JAK1: variants seen among roughly 807,000 people sequenced by gnomAD.
JAK1 encodes the protein Janus kinase 1.
In JAK1, 16 loss-of-function variants were observed where a neutral mutation model predicts 136.6. The ratio of observed to expected loss-of-function variants is 0.12; its 90% confidence interval spans 0.08 to 0.18. The LOEUF is 0.18. Ranked by LOEUF, JAK1 falls within the 10% of genes least tolerant of loss-of-function variation. JAK1 has a pLI of 1.00. For missense variants in JAK1, 859 were observed against 1,450.1 expected (o/e 0.59, Z 6.62); for synonymous variants, 492 against 519.5 (o/e 0.95, Z 0.72).
intron 2 of JAK1, among the ~76,000 whole-genome samples, chr1:65,021,006 G>A (rs1020688851): frequency 4.6e-5 from 7 of 152,094 alleles, no homozygotes; most frequent in Admixed American, 2.6e-4. Flanking sequence ...CACAGTGACC[G>A]CATACAAAGG....
intron 2 of JAK1, among the ~76,000 whole-genome samples, chr1:65,008,064 G>A (rs1646818459): frequency 6.6e-6 from 1 of 152,152 alleles, no homozygotes; most frequent in Non-Finnish European, 1.5e-5. Flanking sequence ...TTATTTCTAA[G>A]TTCCCAGGGA....
At chr1:64,979,024 A>G (rs1326405921) in intron 2 of JAK1, among the ~76,000 whole-genome samples, 1 of 152,196 alleles carries the variant, frequency 6.6e-6, no homozygotes, top group African/African-American at 2.4e-5. Context: ...GAAATCATGT[A>G]TGCATTTGAC....
rs1369511928 is a variant in JAK1, at chr1:64,848,415, G to A, written c.1756-740C>T. On this transcript the variant is annotated intron_variant, in intron 12 of 24. Transcript: ENST00000342505. ...ATGCACGCTAGGATTTAAAATTAGTGGTGCAAAGTACACCTGCATTTGCCC... is the reference window on the plus strand; with the variant it reads ...ATGCACGCTAGGATTTAAAATTAGTAGTGCAAAGTACACCTGCATTTGCCC... 3.3e-5 allele frequency among the ~76,000 whole-genome samples: 5 copies of A among 152,182 alleles called. No homozygotes were observed. The East Asian group carries it at 9.6e-4, about 29-fold the overall frequency.
intron 1 of JAK1, among the ~76,000 whole-genome samples, chr1:64,951,899 C>G (rs560251302): frequency 6.6e-6 from 1 of 152,130 alleles, no homozygotes. Context: ...CCTCGTGATC[C>G]GCCCGCCTCG....
intron 1 of JAK1, among the ~76,000 whole-genome samples, chr1:64,891,986 AG>A (rs1018558570): frequency 3.3e-5 from 5 of 152,276 alleles, no homozygotes; most frequent in African/African-American, 1.2e-4. Context: ...GCCTGCATTC[AG>A]TGAGAGACAG....
chr1:65,058,386 C>T (rs1221529378), intron 1 of JAK1: 1 of 533,910 alleles, frequency 1.9e-6, no homozygotes, highest in Non-Finnish European at 3.8e-6. Context: ...CTTTCACCTT[C>T]TTTCTTCCTG....
chr1:65,049,054 T>C (rs947777262), intron 1 of JAK1, among the ~76,000 whole-genome samples: 1 of 152,210 alleles, frequency 6.6e-6, no homozygotes. Context: ...CAATAGCCTT[T>C]TTCTGCTGTT....
chr1:65,050,230 T>C (rs1007614768), intron 1 of JAK1, among the ~76,000 whole-genome samples: 4 of 152,300 alleles, frequency 2.6e-5, no homozygotes, highest in South Asian at 2.1e-4. Flanking sequence ...GGTAGAGCCA[T>C]GTTTCTTGTT....
At chr1:65,052,539 G>A (rs1396941645) in intron 1 of JAK1, among the ~76,000 whole-genome samples, 14 of 151,950 alleles carry the variant, frequency 9.2e-5, no homozygotes, top group African/African-American at 2.7e-4. Flanking sequence ...CAGGCTGGGC[G>A]CAGTGGCTCA....
chr1:64,857,709 A>G lies in JAK1; in HGVS notation c.1405T>C (p.Cys469Arg). The G allele has an allele frequency of 6.2e-7, 1 of 1,614,208 alleles. No homozygotes were observed. Among genetic ancestry groups the G allele is most frequent in the Non-Finnish European group, 8.5e-7 (1 of 1,180,038 alleles). Residue 469 changes from cysteine (C) to arginine (R), a missense_variant, in exon 10 of 25, where the codon TGC becomes CGC. By Grantham distance (180) the Cys-to-Arg change is radical. Coordinates refer to ENST00000342505, the MANE Select transcript of JAK1 (RefSeq NM_002227.4). Reference sequence around the variant, plus strand: ...ATGAGGATGTTGTCAAAGTCGGTGCAGCTCCACCTCAGCACGTACATCCCC... The same window carrying G: ...ATGAGGATGTTGTCAAAGTCGGTGCGGCTCCACCTCAGCACGTACATCCCC... ...EEGMYVLRWS[C>R]TDFDNILMTV...
At chr1:65,016,282 A>G (rs1181829647) in intron 2 of JAK1, among the ~76,000 whole-genome samples, 1 of 152,200 alleles carries the variant, frequency 6.6e-6, no homozygotes, top group Non-Finnish European at 1.5e-5. Flanking sequence ...TGGTAGTTGT[A>G]TAACATTGTG....
intron 1 of JAK1, among the ~76,000 whole-genome samples, chr1:64,961,841 T>C (rs1409328252): frequency 6.6e-6 from 1 of 152,214 alleles, no homozygotes; most frequent in Non-Finnish European, 1.5e-5. Flanking sequence ...TGACTGCTAC[T>C]ACAGCATCAC....
intron 1 of JAK1, among the ~76,000 whole-genome samples, chr1:64,962,701 G>A (rs368471804): frequency 6.6e-6 from 1 of 152,158 alleles, no homozygotes; most frequent in African/African-American, 2.4e-5. Context: ...AGCTGAGCAC[G>A]GGGGAGAGTA....
chr1:64,928,883 A>G (rs1284071109), intron 1 of JAK1, among the ~76,000 whole-genome samples: 1 of 151,964 alleles, frequency 6.6e-6, no homozygotes, highest in African/African-American at 2.4e-5. Flanking sequence ...ATAAACTCCC[A>G]CAGATTCAAA....
At chr1:64,838,361 T>C in intron 21 of JAK1, 104 bp downstream of exon 21, 3 of 1,217,246 alleles carry the variant, frequency 2.5e-6, no homozygotes, top group Non-Finnish European at 3.5e-6. Context: ...AAACAAACAG[T>C]ATAATTATCA....
intron 1 of JAK1, among the ~76,000 whole-genome samples, chr1:64,892,307 A>G (rs310251): frequency 0.49 from 73,610 of 151,702 alleles, 21,739 homozygotes; most frequent in African/African-American, 0.82. Flanking sequence ...GGGGGATGGA[A>G]TCTCGCTCTG....
chr1:64,924,348 T>G (rs1645546516), intron 1 of JAK1, among the ~76,000 whole-genome samples: 1 of 152,226 alleles, frequency 6.6e-6, no homozygotes, highest in Non-Finnish European at 1.5e-5. Flanking sequence ...GCTTTTTCCC[T>G]GCAAGAATGT....
chr1:65,054,669 G>A (rs1226345055), intron 1 of JAK1, among the ~76,000 whole-genome samples: 1 of 152,150 alleles, frequency 6.6e-6, no homozygotes, highest in East Asian at 1.9e-4. Flanking sequence ...GAGGACCAGT[G>A]AGTTGCCCAA....
At chr1:64,849,878 T>C (rs1200750953) in intron 12 of JAK1, among the ~76,000 whole-genome samples, 2 of 152,038 alleles carry the variant, frequency 1.3e-5, no homozygotes, top group African/African-American at 4.8e-5. Context: ...TAGAGAACAA[T>C]GATGGGCCTT....
Sources: allele counts gnomAD v4.1 joint callset (sites outside exome capture counted in the v4.1 genomes callset), GRCh38; gene constraint gnomAD v4.1.1; transcripts MANE v1.5; gene names NCBI Gene and HGNC (gene_info 2026-07-23, HGNC 2026-07-21).